Variants in FIS1 observed in about 807,000 individuals in gnomAD.
FIS1 encodes the protein fission, mitochondrial 1.
Under a neutral mutation model 21.6 loss-of-function variants are expected in FIS1, and 16 were observed. The ratio of observed to expected loss-of-function variants is 0.74; its 90% CI spans 0.50 to 1.12. The LOEUF (loss-of-function observed/expected upper bound fraction) is 1.12, where lower values mean the gene tolerates loss of function less well. Among genes scored for constraint, FIS1 ranks in the 50% most tolerant of loss-of-function variants. The pLI is 0.00. For missense variants in FIS1, 198 were observed against 190.9 expected (o/e 1.04, Z -0.22); for synonymous variants, 92 against 82.2 (o/e 1.12, Z -0.65).
At chr7:101,240,321 C>G (rs1246920127) in intron 3 of FIS1, 74 bp from the exon 4 acceptor site, 7 of 1,483,964 alleles carry the variant, frequency 4.7e-6, no homozygotes, top group Non-Finnish European at 5.6e-6. Flanking sequence ...TAATAAGAGA[C>G]GGGGTCTTGC....
intron 2 of FIS1, 59 bp downstream of exon 2, chr7:101,243,948 G>A: frequency 6.4e-7 from 1 of 1,557,738 alleles, no homozygotes; most frequent in Non-Finnish European, 8.7e-7. Context: ...CTGGACTACG[G>A]GGCCCACATC....
intron 1 of FIS1, 150 bp from the exon 2 acceptor site, chr7:101,244,289 G>A (rs1014539654): frequency 9.1e-7 from 1 of 1,100,466 alleles, no homozygotes; most frequent in Non-Finnish European, 1.2e-6. Flanking sequence ...CCGGGACCCA[G>A]GCTTTCGGCT....
At chr7:101,244,795 A>C in intron 1 of FIS1, 165 bp downstream of exon 1, 1 of 766,390 alleles carries the variant, frequency 1.3e-6, no homozygotes, top group Non-Finnish European at 2.2e-6. Flanking sequence ...TCTGCGGCAT[A>C]GCAGGCCCTC....
chr7:101,242,430 T>C (rs900372794), intron 2 of FIS1, among the ~76,000 whole-genome samples: 1 of 152,054 alleles, frequency 6.6e-6, no homozygotes, highest in Non-Finnish European at 1.5e-5. Context: ...ATTGCCGAAG[T>C]AGACAAACAT....
intron 2 of FIS1, among the ~76,000 whole-genome samples, chr7:101,242,884 A>G (rs1158578080): frequency 6.6e-6 from 1 of 152,198 alleles, no homozygotes; most frequent in Non-Finnish European, 1.5e-5. Context: ...TCAGAAAAAA[A>G]AAAAAGATAG....
At chr7:101,241,384 C>G (rs1031105060) in intron 2 of FIS1, among the ~76,000 whole-genome samples, 5 of 152,064 alleles carry the variant, frequency 3.3e-5, no homozygotes, top group Admixed American at 2.6e-4. Flanking sequence ...CCACGCCTGG[C>G]TAATTTTTGT....
chr7:101,240,046 G>C, intron 4 of FIS1, 96 bp downstream of exon 4: 1 of 1,453,814 alleles, frequency 6.9e-7, no homozygotes, highest in East Asian at 2.3e-5. Flanking sequence ...GAAGGGGTGG[G>C]GCTGAGGGGC....
In FIS1 at chr7:101,244,121, G is replaced by A. The variant is rs1261836539; in HGVS notation, c.64C>T (p.Gln22Ter). ...ACCGAGCCTGCTGCCTTCTCAGACT[G>A]AAATTTCTTTTCAAACTTCTGCCAC... is the stretch of plus-strand genomic sequence containing the variant. ...EDLLKFEKKF[Q>*]SEKAAGSVSK... The change falls in exon 2 of 5, where the codon CAG becomes TAG. Residue 22 changes from glutamine to a stop codon, truncating the protein, a stop_gained. Coordinates refer to ENST00000223136, the MANE Select transcript of FIS1 (RefSeq NM_016068.3). LOFTEE classifies it high-confidence loss of function. 1 of 1,613,536 alleles carries A rather than the reference G, an allele frequency of 6.2e-7. No individual in the cohort carries two copies. The highest frequency in any genetic ancestry group is 8.5e-7 in the Non-Finnish European group (1 of 1,179,630).
chr7:101,241,709 C>T (rs1172676872), intron 2 of FIS1: 1 of 146,184 alleles, frequency 6.8e-6, no homozygotes, highest in African/African-American at 2.6e-5. Flanking sequence ...ACTATAATCC[C>T]AGCACTTTGG....
chr7:101,243,749 G>A (rs574774197), intron 2 of FIS1, among the ~76,000 whole-genome samples: 8 of 152,316 alleles, frequency 5.3e-5, no homozygotes, highest in Admixed American at 4.6e-4. Context: ...TCCCAATTCA[G>A]CCATTAACTG....
In FIS1 at chr7:101,240,286, A is replaced by T. The variant is rs376263444; in HGVS notation, c.256-39T>A. On this transcript the variant is annotated intron_variant, in intron 3 of 4. Transcript: ENST00000223136. ...AACGCGCACGCGTCATACACACCGC[A>T]GTGTTTTTTTGTTTGTTTGTTTTTT... 8 of 1,595,614 alleles carry T rather than the reference A, an allele frequency of 5.0e-6. No homozygotes were observed. The African/African-American group carries it at 6.7e-5, about 13-fold the overall frequency.
chr7:101,242,142 T>C (rs1798758885), intron 2 of FIS1, among the ~76,000 whole-genome samples: 1 of 152,154 alleles, frequency 6.6e-6, no homozygotes, highest in Non-Finnish European at 1.5e-5. Context: ...GGCCAGGTGG[T>C]CTCAAATTCC....
chr7:101,239,789 G>A lies in FIS1; in HGVS notation c.*17C>T, dbSNP rs749816400. On this transcript the variant is annotated 3_prime_UTR_variant, in exon 5 of 5. Coordinates refer to ENST00000223136, the MANE Select transcript of FIS1 (RefSeq NM_016068.3). ...CAGGCCCTCCTGGAGCGTTCTCCGT[G>A]GGCTCCCGCGTCTCCTTCAGGATTT... 8 of 1,578,258 alleles carry A rather than the reference G, an allele frequency of 5.1e-6. No homozygotes were observed. The East Asian group carries it at 1.6e-4, about 32-fold the overall frequency.
At position 101,239,731 on chromosome 7, in the gene FIS1, G is replaced by T; in HGVS notation, c.*75C>A. 1 of 1,255,504 alleles carries T rather than the reference G, an allele frequency of 8.0e-7. No individual in the cohort carries two copies. Among genetic ancestry groups the T allele is most frequent in the Non-Finnish European group, 1.1e-6 (1 of 876,350 alleles). The allele number at this position is 1,255,504 out of a possible 1,614,324, so 77.8% of individuals were successfully genotyped here. A position where few individuals can be genotyped will look rare whatever the true frequency, so the allele number is the denominator to read the frequency against. On this transcript the variant is annotated 3_prime_UTR_variant, in exon 5 of 5. Coordinates refer to ENST00000223136, the MANE Select transcript of FIS1 (RefSeq NM_016068.3). ...CCACAGAGGATAGAGACGGGGGGCA[G>T]GGGGAGAACAGGGAAAGGACAGCGA...
rs112780666 is a variant in FIS1, at chr7:101,242,488, T to A, written c.178+1519A>T. Among the ~76,000 whole-genome samples the A allele has an allele frequency of 7.5e-3, 581 of 77,166 alleles. 3 individuals carry two copies. Among genetic ancestry groups the A allele is most frequent in the African/African-American group, 0.045 (522 of 11,704 alleles). The allele number at this position is 77,166 out of a possible 152,430, so 50.6% of individuals were successfully genotyped here. ...TTAAGAAAGAGTCTTATTTTTATAG[T>A]TTTTTTTTTTTTTTTTTTGAGACGG... On this transcript the variant is annotated intron_variant, in intron 2 of 4. Transcript: ENST00000223136.
chr7:101,240,410 C>T (rs1175244208), intron 3 of FIS1, among the ~76,000 whole-genome samples, 163 bp from the exon 4 acceptor site: 1 of 152,182 alleles, frequency 6.6e-6, no homozygotes, highest in African/African-American at 2.4e-5. Flanking sequence ...GCAGTCCTCC[C>T]GCCTCAGCCT....
At chr7:101,244,630 C>T in intron 1 of FIS1, 1 of 471,498 alleles carries the variant, frequency 2.1e-6, no homozygotes, top group South Asian at 2.7e-5. Flanking sequence ...ATAGGTGACA[C>T]CTTATGATGG....
intron 2 of FIS1, among the ~76,000 whole-genome samples, chr7:101,241,335 C>A (rs1584271312): frequency 6.6e-6 from 1 of 152,248 alleles, no homozygotes; most frequent in East Asian, 1.9e-4. Context: ...ATTCTCCTGC[C>A]TCGGTTTCCC....
intron 3 of FIS1, 58 bp from the exon 4 acceptor site, chr7:101,240,305 G>C (rs1798726445): frequency 6.4e-7 from 1 of 1,559,588 alleles, no homozygotes; most frequent in Admixed American, 1.7e-5. Flanking sequence ...TTGTTTGTTT[G>C]TTTTTTAATA....
Sources: gnomAD v4.1 joint callset for allele counts (sites outside exome capture counted in the v4.1 genomes callset) on GRCh38, gnomAD v4.1.1 for gene constraint, MANE v1.5 for transcripts, NCBI Gene and HGNC (gene_info 2026-07-23, HGNC 2026-07-21) for gene names.